GREB1L: variants seen among roughly 807,000 people sequenced by gnomAD.
The protein encoded by GREB1L is GREB1-like protein.
GREB1L carries 17 observed loss-of-function variants against 200.8 expected under a neutral mutation model. The observed-to-expected ratio is 0.08, with a 90% CI of 0.06 to 0.13. GREB1L has a LOEUF of 0.13. Ranked by LOEUF, GREB1L falls within the 10% of genes least tolerant of loss-of-function variation. The pLI is 1.00. For synonymous variants in GREB1L, 789 were observed against 893.0 expected (o/e 0.88, Z 2.08); for missense variants, 1,657 against 2,367.7 (o/e 0.70, Z 6.23).
intron 16 of GREB1L, 87 bp downstream of exon 16, chr18:21,473,298 G>A (rs189752768): frequency 5.1e-5 from 54 of 1,053,088 alleles, no homozygotes; most frequent in African/African-American, 4.7e-4. Context: ...GGCCAGGCGC[G>A]GTGGCTCACA....
chr18:21,425,733 G>T (rs1248924491), intron 7 of GREB1L, among the ~76,000 whole-genome samples: 1 of 151,940 alleles, frequency 6.6e-6, no homozygotes, highest in South Asian at 2.1e-4. Context: ...TTTTCAGTTG[G>T]GTTGACTCTT....
At chr18:21,331,460 A>G (rs1040045783) in intron 1 of GREB1L, among the ~76,000 whole-genome samples, 1 of 152,230 alleles carries the variant, frequency 6.6e-6, no homozygotes, top group African/African-American at 2.4e-5. Context: ...AAAAAGAGAC[A>G]TTATCCTTCT....
chr18:21,310,863 A>C (rs983643971), intron 1 of GREB1L, among the ~76,000 whole-genome samples: 2 of 152,240 alleles, frequency 1.3e-5, no homozygotes, highest in Admixed American at 6.5e-5. Context: ...AATAAGAGTT[A>C]AACATTTTTT....
chr18:21,430,667 G>A (rs1269180483), intron 7 of GREB1L, among the ~76,000 whole-genome samples: 8 of 146,132 alleles, frequency 5.5e-5, no homozygotes, highest in Admixed American at 3.5e-4. Context: ...TGCAATCTTG[G>A]CTCACAGCAA....
chr18:21,250,957 C>T (rs1165897202), intron 1 of GREB1L, among the ~76,000 whole-genome samples: 1 of 152,128 alleles, frequency 6.6e-6, no homozygotes, highest in Non-Finnish European at 1.5e-5. Context: ...TTATGCATCT[C>T]CATGCATATT....
intron 7 of GREB1L, among the ~76,000 whole-genome samples, chr18:21,417,716 G>A (rs1447287726): frequency 6.6e-6 from 1 of 152,082 alleles, no homozygotes; most frequent in Non-Finnish European, 1.5e-5. Flanking sequence ...AATAGGCCAG[G>A]CACAGTGGCT....
chr18:21,285,783 T>C (rs1198346976), intron 1 of GREB1L, among the ~76,000 whole-genome samples: 1 of 152,254 alleles, frequency 6.6e-6, no homozygotes, highest in Non-Finnish European at 1.5e-5. Context: ...CATACTAAGT[T>C]GTTATCTAGC....
chr18:21,356,261 G>C (rs551324751), intron 1 of GREB1L, among the ~76,000 whole-genome samples: 5 of 152,072 alleles, frequency 3.3e-5, no homozygotes, highest in African/African-American at 1.2e-4. Flanking sequence ...GGGATTACAG[G>C]CATTAGCCAC....
intron 2 of GREB1L, among the ~76,000 whole-genome samples, chr18:21,378,510 A>G (rs1488846450): frequency 1.3e-5 from 2 of 152,162 alleles, no homozygotes; most frequent in Non-Finnish European, 2.9e-5. Context: ...AATAGCTGGG[A>G]CTACAGGAGC....
chr18:21,290,250 G>T (rs1297351988), intron 1 of GREB1L, among the ~76,000 whole-genome samples: 1 of 152,166 alleles, frequency 6.6e-6, no homozygotes, highest in African/African-American at 2.4e-5. Context: ...GGGTTTCAAT[G>T]CATGCTAATG....
At chr18:21,467,860 T>C (rs371512754) in intron 15 of GREB1L, among the ~76,000 whole-genome samples, 19 of 151,884 alleles carry the variant, frequency 1.3e-4, no homozygotes, top group African/African-American at 4.6e-4. Flanking sequence ...CTGTCTCTAC[T>C]AAAAACGCAA....
chr18:21,485,380 G>T, intron 17 of GREB1L: 1 of 384,524 alleles, frequency 2.6e-6, no homozygotes, highest in Non-Finnish European at 4.7e-6. Context: ...TGTGCCTGAA[G>T]GAAGTGTGTC....
intron 1 of GREB1L, among the ~76,000 whole-genome samples, chr18:21,284,868 A>G (rs2038329050): frequency 6.6e-6 from 1 of 152,172 alleles, no homozygotes; most frequent in African/African-American, 2.4e-5. Flanking sequence ...TCTTTTAGCC[A>G]TCCCAGTGGG....
intron 15 of GREB1L, among the ~76,000 whole-genome samples, chr18:21,463,560 A>G (rs1598882955): frequency 6.6e-6 from 1 of 152,140 alleles, no homozygotes; most frequent in Non-Finnish European, 1.5e-5. Flanking sequence ...GGGTGAAGTC[A>G]TAATTTGAAA....
intron 24 of GREB1L, 30 bp downstream of exon 24, chr18:21,505,597 C>T (rs2036980091): frequency 6.5e-7 from 1 of 1,549,548 alleles, no homozygotes; most frequent in African/African-American, 1.4e-5. Context: ...TTCACCTCCT[C>T]TCTGGGTTAA....
intron 7 of GREB1L, among the ~76,000 whole-genome samples, chr18:21,439,177 T>A (rs1427935119): frequency 3.3e-5 from 5 of 151,964 alleles, no homozygotes; most frequent in African/African-American, 4.8e-5. Flanking sequence ...ATTATCCTAT[T>A]CTCTCTACTT....
At chr18:21,399,019 T>G (rs2041200787) in intron 5 of GREB1L, among the ~76,000 whole-genome samples, 1 of 152,226 alleles carries the variant, frequency 6.6e-6, no homozygotes, top group Non-Finnish European at 1.5e-5. Flanking sequence ...TCATCATTAA[T>G]GTGAAGATTC....
chr18:21,399,997 G>A (rs148616559), intron 5 of GREB1L, among the ~76,000 whole-genome samples: 37 of 152,180 alleles, frequency 2.4e-4, no homozygotes, highest in Non-Finnish European at 3.8e-4. Flanking sequence ...TGAAAAGAGT[G>A]TATCACTTCA....
chr18:21,322,258 T>C lies in GREB1L; in HGVS notation c.-119-43769T>C, dbSNP rs142635177. ...AAGTAAAGGAAAAAAACAAAAAAGC[T>C]GGTATTAAATTTAAACAGAGGTATG... On this transcript the variant is annotated intron_variant, in intron 1 of 32. Transcript: ENST00000424526. 8.4e-3 allele frequency among the ~76,000 whole-genome samples: 1,275 copies of C among 152,240 alleles called. 10 individuals are homozygous for C. Among genetic ancestry groups the C allele is most frequent in the Middle Eastern group, 0.027 (8 of 294 alleles).
Sources: allele counts gnomAD v4.1 joint callset (sites outside exome capture counted in the v4.1 genomes callset), GRCh38; gene constraint gnomAD v4.1.1; transcripts MANE v1.5; gene names NCBI Gene and HGNC (gene_info 2026-07-23, HGNC 2026-07-21).